Variants in RABGAP1 observed in about 807,000 individuals in gnomAD.
RABGAP1 encodes the protein RAB GTPase activating protein 1.
RABGAP1 carries 23 observed loss-of-function variants against 137.6 expected under a neutral mutation model. That is an observed-to-expected ratio of 0.17 (90% CI 0.12 to 0.24). The LOEUF (loss-of-function observed/expected upper bound fraction) is 0.24. RABGAP1 is among the 10% of genes least tolerant of loss of function. The pLI, the probability that RABGAP1 is intolerant of heterozygous loss-of-function variation, is 1.00. For synonymous variants in RABGAP1, 451 were observed against 450.7 expected (o/e 1.00, Z -0.01); for missense variants, 906 against 1,275.8 (o/e 0.71, Z 4.42).
At chr9:123,074,496 T>C (rs1056960151) in intron 17 of RABGAP1, 68 bp downstream of exon 17, 3 of 1,455,060 alleles carry the variant, frequency 2.1e-6, no homozygotes, top group Non-Finnish European at 1.9e-6. Flanking sequence ...AGATTCTGTT[T>C]TGAGTGTCAG....
chr9:122,961,856 G>C (rs1276649539), intron 2 of RABGAP1, among the ~76,000 whole-genome samples: 2 of 152,134 alleles, frequency 1.3e-5, no homozygotes, highest in African/African-American at 2.4e-5. Flanking sequence ...GGAAAAAGGA[G>C]ATAAGATAGG....
intron 1 of RABGAP1, among the ~76,000 whole-genome samples, chr9:122,955,254 A>C (rs1834448712): frequency 6.6e-6 from 1 of 152,244 alleles, no homozygotes; most frequent in South Asian, 2.1e-4. Context: ...ACCCTAAATC[A>C]GTACTTATTA....
At position 122,969,044 on chromosome 9, in the gene RABGAP1, C is replaced by T. The variant is rs1048097421; in HGVS notation, c.150+11835C>T. Among the ~76,000 whole-genome samples, 14 of 152,324 alleles carry T rather than the reference C, an allele frequency of 9.2e-5. No homozygotes were observed. The East Asian group carries it at 2.3e-3, about 25-fold the overall frequency. On this transcript the variant is annotated intron_variant, in intron 2 of 25. Coordinates refer to ENST00000373647, the MANE Select transcript of RABGAP1 (RefSeq NM_012197.4). ...AGAAAGAAATACCCGTATAGTCATG[C>T]ACTGCATGACAGCATTTCAGTCCAC...
intron 13 of RABGAP1, chr9:123,061,995 G>A (rs1564170254): frequency 6.6e-6 from 1 of 152,246 alleles, no homozygotes; most frequent in Non-Finnish European, 1.5e-5. Context: ...ATATGGCCGG[G>A]TGTGGTAGCT....
intron 19 of RABGAP1, among the ~76,000 whole-genome samples, chr9:123,079,540 G>A (rs889538853): frequency 2.6e-5 from 4 of 152,068 alleles, no homozygotes; most frequent in Admixed American, 2.0e-4. Flanking sequence ...CACCCGGCCC[G>A]CCACTCTTGT....
chr9:123,081,113 A>G (rs537111156), intron 19 of RABGAP1, among the ~76,000 whole-genome samples: 1 of 152,078 alleles, frequency 6.6e-6, no homozygotes, highest in South Asian at 2.1e-4. Context: ...TAGTAAATAT[A>G]TTTTCTCTTC....
intron 14 of RABGAP1, among the ~76,000 whole-genome samples, chr9:123,068,875 A>G (rs2034267128): frequency 2.0e-5 from 3 of 152,260 alleles, no homozygotes; most frequent in Admixed American, 1.3e-4. Context: ...GCCAAGAGTT[A>G]TATATTCTAA....
chr9:122,980,249 A>C (rs1030973321), intron 2 of RABGAP1, among the ~76,000 whole-genome samples: 3 of 152,182 alleles, frequency 2.0e-5, no homozygotes, highest in Non-Finnish European at 4.4e-5. Flanking sequence ...GATCTATACC[A>C]TTAAGGACCC....
intron 13 of RABGAP1, among the ~76,000 whole-genome samples, chr9:123,044,189 C>T (rs1374978500): frequency 1.3e-5 from 2 of 152,134 alleles, no homozygotes; most frequent in African/African-American, 4.8e-5. Flanking sequence ...AGGCGTGAGC[C>T]ACCGCGCCCA....
At chr9:123,000,371 T>C (rs1837255085) in intron 10 of RABGAP1, among the ~76,000 whole-genome samples, 1 of 152,158 alleles carries the variant, frequency 6.6e-6, no homozygotes, top group South Asian at 2.1e-4. Flanking sequence ...CCCCCAGTTG[T>C]TCTACCACCT....
At chr9:123,033,247 T>C (rs1463502968) in intron 13 of RABGAP1, among the ~76,000 whole-genome samples, 6 of 152,190 alleles carry the variant, frequency 3.9e-5, no homozygotes, top group Non-Finnish European at 7.4e-5. Flanking sequence ...CTTCCTTTCT[T>C]TAATATTGCT....
chr9:123,037,943 C>T (rs1392085282), intron 13 of RABGAP1, among the ~76,000 whole-genome samples: 4 of 152,072 alleles, frequency 2.6e-5, no homozygotes, highest in Admixed American at 6.6e-5. Context: ...ATGGCGTTGG[C>T]GGGATAGCTC....
chr9:122,996,156 G>A lies in RABGAP1; in HGVS notation c.1034+5G>A, dbSNP rs1746980697. ...TAAAGAACTTGCCATTGAAAGGTAA[G>A]CATTTTTAGTAAGTTTAGCTTAAAT... On this transcript the variant is annotated splice_donor_5th_base_variant and intron_variant, in intron 7 of 25. Transcript: ENST00000373647. 1 of 1,603,750 alleles carries A rather than the reference G, an allele frequency of 6.2e-7. No homozygotes were observed. Among genetic ancestry groups the A allele is most frequent in the East Asian group, 2.2e-5 (1 of 44,754 alleles).
intron 19 of RABGAP1, among the ~76,000 whole-genome samples, chr9:123,087,968 A>T (rs2034919712): frequency 6.6e-6 from 1 of 152,158 alleles, no homozygotes; most frequent in African/African-American, 2.4e-5. Flanking sequence ...GGGGACTAAC[A>T]GGCAGATTTC....
chr9:122,941,316 C>A (rs1045973266), intron 1 of RABGAP1, among the ~76,000 whole-genome samples: 6 of 152,340 alleles, frequency 3.9e-5, no homozygotes, highest in African/African-American at 1.2e-4. Flanking sequence ...GCAGGCTGGG[C>A]CGCTCTGGGA....
At chr9:123,020,513 A>C (rs561720116) in intron 13 of RABGAP1, 54 bp downstream of exon 13, 1 of 1,394,190 alleles carries the variant, frequency 7.2e-7, no homozygotes, top group South Asian at 1.8e-5. Context: ...ATTTGTGATG[A>C]AAAGATCATT....
intron 19 of RABGAP1, among the ~76,000 whole-genome samples, chr9:123,079,488 C>G (rs1042057384): frequency 6.6e-6 from 1 of 152,082 alleles, no homozygotes; most frequent in Non-Finnish European, 1.5e-5. Context: ...GTCCACCCCC[C>G]TCAGCCTCCC....
rs1037985301 is a variant in RABGAP1, at chr9:122,978,490, C to T, written c.151-5995C>T. Among the ~76,000 whole-genome samples the T allele has an allele frequency of 9.2e-5, 14 of 152,074 alleles. 1 individual carries two copies. Among genetic ancestry groups the T allele is most frequent in the South Asian group, 4.1e-4 (2 of 4,822 alleles). On this transcript the variant is annotated intron_variant, in intron 2 of 25. Coordinates refer to ENST00000373647, the MANE Select transcript of RABGAP1 (RefSeq NM_012197.4). The stretch of plus-strand genomic sequence containing the variant: ...TGAATAATGCATTAACATTTGCAGC[C>T]GGGCATTGGTGGCTCATTCCTGTAA...
Position 123,037,763 on chromosome 9 carries a change from G to A in RABGAP1, c.1794+17304G>A, listed in dbSNP as rs531653211. On this transcript the variant is annotated intron_variant, in intron 13 of 25. Transcript: ENST00000373647. ...TGTTGGGAGAGAGGAGATGCTCCTGGACACAGTAGTGTCCCCTTTAGTGGC... is the reference window on the plus strand; with the variant it reads ...TGTTGGGAGAGAGGAGATGCTCCTGAACACAGTAGTGTCCCCTTTAGTGGC... 4.6e-5 allele frequency among the ~76,000 whole-genome samples: 7 copies of A among 152,174 alleles called. No individual in the cohort carries two copies. In the East Asian group the frequency reaches 1.4e-3, roughly 29 times the overall value.
Sources: allele counts gnomAD v4.1 joint callset (sites outside exome capture counted in the v4.1 genomes callset), GRCh38; gene constraint gnomAD v4.1.1; transcripts MANE v1.5; gene names NCBI Gene and HGNC (gene_info 2026-07-23, HGNC 2026-07-21).